Variants in NPAS3 observed in about 807,000 individuals in gnomAD.
NPAS3 encodes the protein neuronal PAS domain protein 3.
In NPAS3, 14 loss-of-function variants were observed where a neutral mutation model predicts 73.1. The ratio of observed to expected loss-of-function variants is 0.19; its 90% CI spans 0.13 to 0.30. NPAS3 has a LOEUF of 0.30. Among genes scored for constraint, NPAS3 ranks in the 10% least tolerant of loss-of-function variants. NPAS3 has a pLI of 1.00. For missense variants in NPAS3, 1,096 were observed against 1,250.0 expected (o/e 0.88, Z 1.86); for synonymous variants, 620 against 541.5 (o/e 1.14, Z -2.01).
chr14:32,996,264 C>T (rs1232256282), intron 1 of NPAS3, among the ~76,000 whole-genome samples: 1 of 152,086 alleles, frequency 6.6e-6, no homozygotes, highest in Non-Finnish European at 1.5e-5. Context: ...CTTTTAAATG[C>T]ATTCAGTTTT....
intron 7 of NPAS3, among the ~76,000 whole-genome samples, chr14:33,737,717 G>C (rs1032526848): frequency 3.3e-5 from 5 of 152,146 alleles, no homozygotes; most frequent in African/African-American, 1.2e-4. Flanking sequence ...CCCATGGCAT[G>C]ACACAGCTGA....
At chr14:33,649,326 G>A (rs773759322) in intron 5 of NPAS3, among the ~76,000 whole-genome samples, 15 of 152,172 alleles carry the variant, frequency 9.9e-5, no homozygotes, top group Admixed American at 2.6e-4. Context: ...CACCCTGCCC[G>A]TTGACAAAAC....
At chr14:32,976,707 G>C (rs990741592) in intron 1 of NPAS3, among the ~76,000 whole-genome samples, 1 of 152,212 alleles carries the variant, frequency 6.6e-6, no homozygotes, top group African/African-American at 2.4e-5. Flanking sequence ...CATACACACA[G>C]AGCACAGCAA....
chr14:33,072,312 C>T (rs551151705), intron 2 of NPAS3, among the ~76,000 whole-genome samples: 1 of 152,240 alleles, frequency 6.6e-6, no homozygotes, highest in South Asian at 2.1e-4. Context: ...TGGAAAAGGA[C>T]GTGATTTAAA....
chr14:33,484,800 GAAAT>G (rs998037090), intron 4 of NPAS3, among the ~76,000 whole-genome samples: 1 of 152,278 alleles, frequency 6.6e-6, no homozygotes, highest in African/African-American at 2.4e-5. Flanking sequence ...GTCACTGAGA[GAAAT>G]AAAGTCCAGG....
At chr14:33,258,906 C>G (rs372437941) in intron 3 of NPAS3, among the ~76,000 whole-genome samples, 2 of 152,142 alleles carry the variant, frequency 1.3e-5, no homozygotes, top group African/African-American at 4.8e-5. Context: ...CTCCGCCTCC[C>G]GGGTTCACGC....
At position 32,984,388 on chromosome 14, in the gene NPAS3, C is replaced by T. The variant is rs148227908; in HGVS notation, c.50+45022C>T. Among the ~76,000 whole-genome samples the T allele has an allele frequency of 2.8e-4, 42 of 152,116 alleles. No homozygotes were observed. The East Asian group carries it at 6.8e-3, about 24-fold the overall frequency. On this transcript the variant is annotated intron_variant, in intron 1 of 11. Coordinates refer to ENST00000356141, the Ensembl canonical transcript of NPAS3. ...AGGTGAAAATGCTCAAATAGGGTTA[C>T]GTAAATACAAACTTACTTTGGGAAA...
chr14:33,742,011 A>G lies in NPAS3; in HGVS notation c.852+6679A>G, dbSNP rs144038387. Among the ~76,000 whole-genome samples, 1,088 of 152,272 alleles carry G rather than the reference A, an allele frequency of 7.1e-3. 14 individuals carry two copies. The highest frequency in any genetic ancestry group is 0.023 in the African/African-American group (974 of 41,552). ...ACTTTCCTATATATAATGTCTTTTA[A>G]CCAACTATTGCTCCTAAAAGTTATT... On this transcript the variant is annotated intron_variant, in intron 7 of 11. Coordinates refer to ENST00000356141, the Ensembl canonical transcript of NPAS3.
At chr14:33,562,499 T>G (rs940821432) in intron 5 of NPAS3, among the ~76,000 whole-genome samples, 3 of 152,186 alleles carry the variant, frequency 2.0e-5, no homozygotes, top group Non-Finnish European at 4.4e-5. Flanking sequence ...GGGCCTTCAT[T>G]TGGCAGCACT....
chr14:33,461,977 T>C (rs2050290793), intron 4 of NPAS3, among the ~76,000 whole-genome samples: 2 of 152,202 alleles, frequency 1.3e-5, no homozygotes. Context: ...TTATATTTTC[T>C]AAGGGAAAGG....
chr14:33,123,528 A>G (rs2043310743), intron 2 of NPAS3, among the ~76,000 whole-genome samples: 1 of 152,086 alleles, frequency 6.6e-6, no homozygotes, highest in Admixed American at 6.6e-5. Flanking sequence ...AGGAGCAACA[A>G]CTCAAAACCA....
At position 33,755,560 on chromosome 14, in the gene NPAS3, A is replaced by T. The variant is rs1595558755; in HGVS notation, c.853-18777A>T. 3.3e-5 allele frequency among the ~76,000 whole-genome samples: 5 copies of T among 152,264 alleles called. No homozygotes were observed. The South Asian group carries it at 1.0e-3, about 32-fold the overall frequency. ...TAGGAGTGGCTATGAATCATGGCTG[A>T]TGTGATTAGGCTGCACTCTAGACCG... On this transcript the variant is annotated intron_variant, in intron 7 of 11. Transcript: ENST00000356141.
intron 4 of NPAS3, among the ~76,000 whole-genome samples, chr14:33,440,815 C>T (rs1476667762): frequency 6.6e-6 from 1 of 152,018 alleles, no homozygotes; most frequent in African/African-American, 2.4e-5. Flanking sequence ...ATCACTTCAA[C>T]CCCGGGGGGC....
rs369565240 is a variant in NPAS3, at chr14:33,249,907, T to TACACAC, written c.385+34506_385+34511dup. On this transcript the variant is annotated intron_variant, in intron 3 of 11. Coordinates refer to ENST00000356141, the Ensembl canonical transcript of NPAS3. ...AACGCGTTTGGAAGCAAATCTGTCA[T>TACACAC]ACACACACACACACACACACACACA... Among the ~76,000 whole-genome samples, 826 of 147,050 alleles carry TACACAC rather than the reference T, an allele frequency of 5.6e-3. 4 individuals are homozygous for TACACAC. Among genetic ancestry groups the TACACAC allele is most frequent in the African/African-American group, 0.017 (687 of 39,934 alleles).
At chr14:33,349,552 C>A (rs971170954) in intron 3 of NPAS3, among the ~76,000 whole-genome samples, 1 of 152,180 alleles carries the variant, frequency 6.6e-6, no homozygotes, top group African/African-American at 2.4e-5. Flanking sequence ...TTTTCATCAT[C>A]AAAGAGATTT....
At chr14:33,791,288 T>A (rs1029469120) in intron 9 of NPAS3, among the ~76,000 whole-genome samples, 6 of 152,210 alleles carry the variant, frequency 3.9e-5, no homozygotes, top group African/African-American at 1.4e-4. Context: ...TCCCTTCCCC[T>A]TCAGTCTTTT....
chr14:33,668,593 A>G (rs1012351655), intron 5 of NPAS3, among the ~76,000 whole-genome samples: 2 of 152,182 alleles, frequency 1.3e-5, no homozygotes, highest in Non-Finnish European at 2.9e-5. Flanking sequence ...AGGCAGGCCG[A>G]TCACTTGAGG....
At chr14:33,048,699 A>G (rs2040597808) in intron 1 of NPAS3, among the ~76,000 whole-genome samples, 2 of 152,226 alleles carry the variant, frequency 1.3e-5, no homozygotes, top group Admixed American at 1.3e-4. Context: ...CCAGAACCCC[A>G]AAATAATGAC....
intron 1 of NPAS3, among the ~76,000 whole-genome samples, chr14:33,008,359 A>T (rs1566459878): frequency 6.6e-6 from 1 of 152,230 alleles, no homozygotes. Flanking sequence ...TGCTAAACAA[A>T]AAAGTCACAG....
Sources: allele counts gnomAD v4.1 joint callset (sites outside exome capture counted in the v4.1 genomes callset), GRCh38; gene constraint gnomAD v4.1.1; transcripts MANE v1.5; gene names NCBI Gene and HGNC (gene_info 2026-07-23, HGNC 2026-07-21).